ACBD3: variants seen among roughly 807,000 people sequenced by gnomAD.
ACBD3 encodes the protein Golgi resident protein GCP60.
A neutral mutation model predicts 66.9 loss-of-function variants in ACBD3; 30 were observed. The observed-to-expected ratio is 0.45, with a 90% CI of 0.34 to 0.61. The LOEUF (loss-of-function observed/expected upper bound fraction) is 0.61, where lower values mean the gene tolerates loss of function less well. ACBD3 is among the 20% of genes least tolerant of loss of function. The pLI is 0.02. For missense variants in ACBD3, 544 were observed against 664.5 expected (o/e 0.82, Z 1.99); for synonymous variants, 278 against 259.8 (o/e 1.07, Z -0.68).
chr1:226,161,199 C>T (rs1489775398), intron 4 of ACBD3, among the ~76,000 whole-genome samples: 2 of 142,142 alleles, frequency 1.4e-5, no homozygotes, highest in African/African-American at 5.3e-5. Context: ...AGTGCAATGG[C>T]GCGATCTCGG....
chr1:226,154,269 G>A (rs181471260), intron 6 of ACBD3, among the ~76,000 whole-genome samples: 5 of 151,906 alleles, frequency 3.3e-5, no homozygotes, highest in East Asian at 1.9e-4. Context: ...CCAGGCAGGC[G>A]GAATCATAGT....
At chr1:226,173,255 A>G (rs957177136) in intron 1 of ACBD3, among the ~76,000 whole-genome samples, 1 of 152,240 alleles carries the variant, frequency 6.6e-6, no homozygotes, top group East Asian at 1.9e-4. Flanking sequence ...TGAGTGACAG[A>G]GTGAGACCCT....
At chr1:226,170,454 G>A (rs1431187635) in intron 1 of ACBD3, among the ~76,000 whole-genome samples, 4 of 149,376 alleles carry the variant, frequency 2.7e-5, no homozygotes, top group Admixed American at 6.8e-5. Flanking sequence ...GATTACAGAC[G>A]TGAGCCACCG....
intron 1 of ACBD3, among the ~76,000 whole-genome samples, chr1:226,185,403 C>T (rs2102793623): frequency 6.6e-6 from 1 of 152,294 alleles, no homozygotes; most frequent in East Asian, 1.9e-4. Flanking sequence ...AAAAGGTACT[C>T]CCTCTGGGGA....
intron 3 of ACBD3, among the ~76,000 whole-genome samples, chr1:226,163,850 G>A (rs1201654796): frequency 6.6e-6 from 1 of 152,140 alleles, no homozygotes; most frequent in Non-Finnish European, 1.5e-5. Context: ...GCTGGGCAAG[G>A]TGGCTCATGC....
chr1:226,149,594 G>C lies in ACBD3; in HGVS notation c.1375+2741C>G, dbSNP rs1415373330. Among the ~76,000 whole-genome samples the C allele has an allele frequency of 2.6e-4, 35 of 133,322 alleles. 1 individual carries two copies. Among genetic ancestry groups the C allele is most frequent in the Admixed American group, 1.6e-3 (19 of 11,702 alleles). 87.5% of individuals were successfully genotyped at this position (133,322 alleles called of 152,430 possible). ...CTGGCTCTGTGGCCCAGGCTGGAGTGAAGTGACTTGATCTCAGCTCACTGC... is the reference window on the plus strand; with the variant it reads ...CTGGCTCTGTGGCCCAGGCTGGAGTCAAGTGACTTGATCTCAGCTCACTGC... On this transcript the variant is annotated intron_variant, in intron 7 of 7. Coordinates refer to ENST00000366812, the MANE Select transcript of ACBD3 (RefSeq NM_022735.4).
intron 1 of ACBD3, among the ~76,000 whole-genome samples, chr1:226,176,730 G>A (rs1469891903): frequency 1.3e-5 from 2 of 152,008 alleles, no homozygotes; most frequent in Non-Finnish European, 2.9e-5. Flanking sequence ...ATATGAATAT[G>A]AAAAGTAAAA....
intron 1 of ACBD3, among the ~76,000 whole-genome samples, chr1:226,173,609 T>C (rs1655917295): frequency 6.6e-6 from 1 of 151,840 alleles, no homozygotes; most frequent in African/African-American, 2.4e-5. Context: ...AAAATAAAAA[T>C]CCTTCACAAT....
At chr1:226,147,758 T>G (rs1659486342) in intron 7 of ACBD3, among the ~76,000 whole-genome samples, 1 of 151,776 alleles carries the variant, frequency 6.6e-6, no homozygotes, top group Non-Finnish European at 1.5e-5. Flanking sequence ...CGGTTAAGAG[T>G]TTTTTGAACT....
intron 1 of ACBD3, among the ~76,000 whole-genome samples, chr1:226,172,591 T>C (rs1175040107): frequency 6.6e-6 from 1 of 152,068 alleles, no homozygotes; most frequent in African/African-American, 2.4e-5. Context: ...ATCTTACTAC[T>C]GAATCTCCAA....
In ACBD3 at chr1:226,186,703, G is replaced by T. The variant is rs770943289; in HGVS notation, c.-28C>A. On this transcript the variant is annotated 5_prime_UTR_variant, in exon 1 of 8. Coordinates refer to ENST00000366812, the MANE Select transcript of ACBD3 (RefSeq NM_022735.4). The stretch of plus-strand genomic sequence containing the variant: ...CCGGCTGCTGCACCTCCTCAGCGGG[G>T]ACAGACGGCAGCCACGTATCGACTT... 43 of 1,457,352 alleles carry T rather than the reference G, an allele frequency of 3.0e-5. 1 individual carries two copies. The South Asian group carries it at 5.7e-4, about 19-fold the overall frequency. The allele number at this position is 1,457,352 out of a possible 1,614,324, so 90.3% of individuals were successfully genotyped here.
At chr1:226,178,574 C>CAAAAAAAAAAAAAAAAAAA (rs57231361) in intron 1 of ACBD3, among the ~76,000 whole-genome samples, 10 of 83,626 alleles carry the variant, frequency 1.2e-4, no homozygotes, top group African/African-American at 4.2e-4. Context: ...GACTCCGTCT[C>CAAAAAAAAAAAAAAAAAAA]AAAAAAAAAA....
chr1:226,164,961 C>A lies in ACBD3; in HGVS notation c.429-32G>T, dbSNP rs750216225. On this transcript the variant is annotated intron_variant, in intron 2 of 7. Transcript: ENST00000366812. Reference sequence around the variant, plus strand: ...GGAATAACAAGAAAAGTTACCTCCCCTTCTTAGTAGAATGAGAACTTTTAA... The same window carrying A: ...GGAATAACAAGAAAAGTTACCTCCCATTCTTAGTAGAATGAGAACTTTTAA... The A allele has an allele frequency of 5.3e-6, 8 of 1,505,192 alleles. No homozygotes were observed. The African/African-American group carries it at 7.0e-5, about 13-fold the overall frequency. The allele number at this position is 1,505,192 out of a possible 1,614,324, so 93.2% of individuals were successfully genotyped here. A position where few individuals can be genotyped will look rare whatever the true frequency, so the allele number is the denominator to read the frequency against.
intron 1 of ACBD3, among the ~76,000 whole-genome samples, chr1:226,174,743 G>C (rs1331293694): frequency 6.6e-6 from 1 of 151,864 alleles, no homozygotes; most frequent in Non-Finnish European, 1.5e-5. Context: ...TCCAGCCTGG[G>C]TGACAGAGCC....
intron 1 of ACBD3, among the ~76,000 whole-genome samples, chr1:226,172,813 A>G (rs772132377): frequency 6.6e-6 from 1 of 152,084 alleles, no homozygotes; most frequent in Non-Finnish European, 1.5e-5. Context: ...GTGTGGTGGC[A>G]TACAGCTGGG....
chr1:226,174,422 T>C (rs1199814609), intron 1 of ACBD3, among the ~76,000 whole-genome samples: 1 of 152,198 alleles, frequency 6.6e-6, no homozygotes, highest in Non-Finnish European at 1.5e-5. Flanking sequence ...CAATTACCTC[T>C]GATCCTTAAT....
At chr1:226,163,012 GCTGGTC>G (rs1300055105) in intron 3 of ACBD3, among the ~76,000 whole-genome samples, 1 of 151,894 alleles carries the variant, frequency 6.6e-6, no homozygotes, top group East Asian at 1.9e-4. Flanking sequence ...CGTTGCCCAG[GCTGGTC>G]CTGAACTCTT....
At chr1:226,183,338 G>T (rs866789269) in intron 1 of ACBD3, among the ~76,000 whole-genome samples, 1 of 151,994 alleles carries the variant, frequency 6.6e-6, no homozygotes, top group South Asian at 2.1e-4. Context: ...ACCACGCCCA[G>T]CTAATTTTTT....
At chr1:226,178,328 T>C (rs1430347158) in intron 1 of ACBD3, among the ~76,000 whole-genome samples, 1 of 151,574 alleles carries the variant, frequency 6.6e-6, no homozygotes, top group Non-Finnish European at 1.5e-5. Flanking sequence ...CCCAGCACTT[T>C]GGGAGGCCAA....
Sources: allele counts gnomAD v4.1 joint callset (sites outside exome capture counted in the v4.1 genomes callset), GRCh38; gene constraint gnomAD v4.1.1; transcripts MANE v1.5; gene names NCBI Gene and HGNC (gene_info 2026-07-23, HGNC 2026-07-21).